The following BLTP2 variants were observed in gnomAD, a reference collection of about 807,000 sequenced individuals.
BLTP2 encodes the protein U937-associated antigen.
the BLTP2 span, among the ~76,000 whole-genome samples, chr17:28,631,191 G>A: frequency 6.6e-6 from 1 of 152,134 alleles, no homozygotes; most frequent in Non-Finnish European, 1.5e-5. Flanking sequence ...CAGAATTAGT[G>A]CTTTTACAAT....
chr17:28,642,252 C>G, the BLTP2 span: 9 of 1,613,466 alleles, frequency 5.6e-6, no homozygotes, highest in Admixed American at 1.7e-5. Flanking sequence ...AATGAGGCAT[C>G]TGAATGATCA....
the BLTP2 span, chr17:28,638,592 T>A: frequency 6.2e-7 from 1 of 1,613,698 alleles, no homozygotes; most frequent in East Asian, 2.2e-5. Flanking sequence ...AATGTTGACA[T>A]TGGAGATGGA....
At chr17:28,633,012 G>C in the BLTP2 span, 1 of 1,584,548 alleles carries the variant, frequency 6.3e-7, no homozygotes, top group Non-Finnish European at 8.6e-7. Flanking sequence ...CCCGGTAGGA[G>C]TCATGAAGCT....
the BLTP2 span, among the ~76,000 whole-genome samples, chr17:28,625,249 T>C: frequency 7.3e-6 from 1 of 137,034 alleles, no homozygotes; most frequent in African/African-American, 2.8e-5. Context: ...GGTAGAAGAA[T>C]AGCTTGAATC....
chr17:28,639,257 CA>C, the BLTP2 span: 37 of 1,588,784 alleles, frequency 2.3e-5, no homozygotes, highest in Non-Finnish European at 2.7e-5. Context: ...CAATTTGGAC[CA>C]AAAGAATCCC....
chr17:28,634,018 C>T, the BLTP2 span: 1 of 1,614,166 alleles, frequency 6.2e-7, no homozygotes, highest in Admixed American at 1.7e-5. Context: ...TGCTCGGTGC[C>T]CACAAGTCGA....
At chr17:28,630,823 T>TA in the BLTP2 span, among the ~76,000 whole-genome samples, 2 of 152,174 alleles carry the variant, frequency 1.3e-5, no homozygotes, top group African/African-American at 2.4e-5. Flanking sequence ...AATTTCAACT[T>TA]AAAATCCTTC....
the BLTP2 span, chr17:28,631,376 T>C: frequency 2.8e-6 from 3 of 1,072,846 alleles, no homozygotes; most frequent in East Asian, 7.7e-5. Flanking sequence ...AAATTTTTGT[T>C]GTATAAACCT....
chr17:28,619,326 C>A, the BLTP2 span, among the ~76,000 whole-genome samples: 1 of 151,908 alleles, frequency 6.6e-6, no homozygotes, highest in Non-Finnish European at 1.5e-5. Flanking sequence ...GTATCAAGGC[C>A]ACCAAAGTGA....
chr17:28,643,495 A>G, the BLTP2 span: 1 of 1,365,142 alleles, frequency 7.3e-7, no homozygotes, highest in South Asian at 1.2e-5. Flanking sequence ...GGAAGACTTC[A>G]GCAACAACCT....
At chr17:28,637,246 C>T in the BLTP2 span, 2 of 1,118,916 alleles carry the variant, frequency 1.8e-6, no homozygotes, top group Non-Finnish European at 2.7e-6. Flanking sequence ...GCCTTTCTCA[C>T]TTATTCCCTT....
chr17:28,640,128 C>G, the BLTP2 span: 1 of 1,311,016 alleles, frequency 7.6e-7, no homozygotes, highest in African/African-American at 1.5e-5. Context: ...GGCGCAGTGG[C>G]TCACTCTTGT....
chr17:28,619,667 T>C, the BLTP2 span: 1 of 1,613,820 alleles, frequency 6.2e-7, no homozygotes. Flanking sequence ...ATGAGGATAT[T>C]CAGTTCTTCA....
the BLTP2 span, chr17:28,617,122 C>G: frequency 5.9e-6 from 7 of 1,189,538 alleles, no homozygotes; most frequent in Admixed American, 1.3e-4. Context: ...AGCTTTCACC[C>G]TCTCAGATCA....
chr17:28,628,686 G>T, the BLTP2 span: 1 of 787,296 alleles, frequency 1.3e-6, no homozygotes, highest in Non-Finnish European at 2.0e-6. Flanking sequence ...CGTAATCCCA[G>T]CACTTTGGGA....
chr17:28,636,525 A>G, the BLTP2 span, among the ~76,000 whole-genome samples: 1 of 152,224 alleles, frequency 6.6e-6, no homozygotes, highest in Non-Finnish European at 1.5e-5. Flanking sequence ...ACCTACTTCA[A>G]AATAATCCCA....
At chr17:28,636,777 A>G in the BLTP2 span, among the ~76,000 whole-genome samples, 33 of 152,042 alleles carry the variant, frequency 2.2e-4, no homozygotes, top group African/African-American at 7.2e-4. Flanking sequence ...GGTGGCTCAC[A>G]CCTGTAATCC....
chr17:28,626,985 G>C, the BLTP2 span, among the ~76,000 whole-genome samples: 1 of 152,162 alleles, frequency 6.6e-6, no homozygotes, highest in Non-Finnish European at 1.5e-5. Context: ...GGAGAAGGGC[G>C]GGCTTAGAGA....
At chr17:28,641,437 C>A in the BLTP2 span, among the ~76,000 whole-genome samples, 2 of 152,178 alleles carry the variant, frequency 1.3e-5, no homozygotes, top group East Asian at 3.9e-4. Context: ...GTCAGGAGAT[C>A]GAGACCATCC....
Sources: gnomAD v4.1 joint callset for allele counts (sites outside exome capture counted in the v4.1 genomes callset) on GRCh38, gnomAD v4.1.1 for gene constraint, MANE v1.5 for transcripts, NCBI Gene and HGNC (gene_info 2026-07-23, HGNC 2026-07-21) for gene names.